Variants in POM121C observed in about 807,000 individuals in gnomAD.
POM121C encodes nuclear envelope pore membrane protein POM 121C.
POM121C carries 20 observed loss-of-function variants against 66.4 expected under a neutral mutation model. That is an observed-to-expected ratio of 0.30 (90% confidence interval 0.21 to 0.44). The LOEUF is 0.44. Among genes scored for constraint, POM121C ranks in the 20% least tolerant of loss-of-function variants. The pLI is 1.00. For synonymous variants in POM121C, 286 were observed against 528.0 expected (o/e 0.54, Z 6.28); for missense variants, 580 against 1,225.7 (o/e 0.47, Z 7.87).
intron 3 of POM121C, among the ~76,000 whole-genome samples, chr7:75,473,840 C>T (rs1442941277): frequency 6.6e-6 from 1 of 151,996 alleles, no homozygotes; most frequent in East Asian, 1.9e-4. Context: ...AGGCGCCCGC[C>T]ACTACGTCCG....
In POM121C at chr7:75,439,194, T is replaced by C. The variant is rs1554473474; in HGVS notation, c.258A>G (p.Ser86=). 2.5e-6 allele frequency: 4 copies of C among 1,614,110 alleles called. No individual in the cohort carries two copies. The highest frequency in any genetic ancestry group is 3.4e-6 in the Non-Finnish European group (4 of 1,180,042). The part of the protein sequence containing the change: ...RRHDSSGSGH[S]AFEPLVASGV... The stretch of plus-strand genomic sequence containing the variant: ...CACTGGCCACCAGGGGCTCAAATGC[T>C]GAATGTCCACTGCCACTGCTATCAT... Residue 86 remains serine, a synonymous_variant, in exon 6 of 15, where the codon TCA becomes TCG. Transcript: ENST00000615331.
intron 1 of POM121C, among the ~76,000 whole-genome samples, chr7:75,475,838 T>C (rs868973260): frequency 6.6e-6 from 1 of 151,764 alleles, no homozygotes; most frequent in South Asian, 2.1e-4. Context: ...GATCAAATTA[T>C]TTTAACTTTA....
chr7:75,479,649 A>C (rs1283820100), intron 1 of POM121C, among the ~76,000 whole-genome samples: 1 of 148,674 alleles, frequency 6.7e-6, no homozygotes, highest in Non-Finnish European at 1.5e-5. Flanking sequence ...ATAAATAAAT[A>C]AATACAGTTT....
intron 7 of POM121C, among the ~76,000 whole-genome samples, chr7:75,434,504 T>C (rs2695403): frequency 6.6e-6 from 1 of 151,694 alleles, no homozygotes; most frequent in African/African-American, 2.4e-5. Flanking sequence ...CTCAAACTCC[T>C]GATCGCAGGT....
rs587767849 is a variant in POM121C, at chr7:75,439,967, G to A, written c.228-743C>T. Among the ~76,000 whole-genome samples the A allele has an allele frequency of 2.7e-5, 4 of 145,722 alleles. No individual in the cohort carries two copies. In the East Asian group the frequency reaches 6.3e-4, roughly 23 times the overall value. On this transcript the variant is annotated intron_variant, in intron 5 of 14. Coordinates refer to ENST00000615331, the MANE Select transcript of POM121C (RefSeq NM_001099415.3). ...ATGGTCTCGGCTCGCTGCAACCTCC[G>A]CCTCCTGGGTTCAAGCAGTTCTCCT...
chr7:75,438,641 C>A (rs1194907085), intron 6 of POM121C, among the ~76,000 whole-genome samples: 3 of 152,192 alleles, frequency 2.0e-5, no homozygotes, highest in Non-Finnish European at 4.4e-5. Flanking sequence ...GGAATACCTG[C>A]CTCATTCTAG....
intron 3 of POM121C, among the ~76,000 whole-genome samples, chr7:75,469,149 G>C (rs1445307358): frequency 6.6e-6 from 1 of 151,636 alleles, no homozygotes; most frequent in African/African-American, 2.4e-5. Flanking sequence ...GCCCAGGCTG[G>C]AGTGCAGTGG....
chr7:75,436,005 C>T (rs116767010), intron 7 of POM121C, among the ~76,000 whole-genome samples: 2,104 of 151,000 alleles, frequency 0.014, 59 homozygotes, highest in African/African-American at 0.047. Context: ...GAGCCAAGGT[C>T]GCACCACTGC....
rs1554473193 is a variant in POM121C at position 75,437,607 on chromosome 7, T to C, written c.388A>G (p.Ser130Gly). Residue 130 changes from serine to glycine, a missense_variant, in exon 7 of 15, where the codon AGC (serine) becomes GGC (glycine). Coordinates refer to ENST00000615331, the MANE Select transcript of POM121C (RefSeq NM_001099415.3). ...LNKRSRSSSM[S>G]SLTGAYTSGI... ...CTTGTGTAAGCGCCTGTCAAGGAGC[T>C]CATGGAAGAGCTTCGGGATCTCTTA... 18 of 1,613,956 alleles carry C rather than the reference T, an allele frequency of 1.1e-5. No individual in the cohort carries two copies. The highest frequency in any genetic ancestry group is 1.4e-5 in the Non-Finnish European group (17 of 1,179,856).
Position 75,475,169 on chromosome 7 carries a change from T to C in POM121C, c.-438A>G. ...CTCCTGGGTGAAATCCACAGCCACA[T>C]CTTTGAATGACACTGGCCCCTGTAA... On this transcript the variant is annotated 5_prime_UTR_variant, in exon 2 of 15. It removes an upstream start codon present in the reference 5' UTR. Coordinates refer to ENST00000615331, the MANE Select transcript of POM121C (RefSeq NM_001099415.3). 2 of 1,530,194 alleles carry C rather than the reference T, an allele frequency of 1.3e-6. No homozygotes were observed. Among genetic ancestry groups the C allele is most frequent in the Non-Finnish European group, 1.8e-6 (2 of 1,109,864 alleles). The allele number at this position is 1,530,194 out of a possible 1,614,324, so 94.8% of individuals were successfully genotyped here.
intron 3 of POM121C, among the ~76,000 whole-genome samples, chr7:75,443,311 T>C (rs1190519701): frequency 1.3e-5 from 2 of 152,072 alleles, no homozygotes; most frequent in African/African-American, 4.8e-5. Context: ...GGGTGGGGAA[T>C]AGAAAATGAC....
At chr7:75,435,430 G>A (rs1790365948) in intron 7 of POM121C, among the ~76,000 whole-genome samples, 1 of 152,180 alleles carries the variant, frequency 6.6e-6, no homozygotes, top group Admixed American at 6.5e-5. Context: ...AGAGTGGAAA[G>A]GGATGGAAAT....
chr7:75,455,961 G>A (rs1373398832), intron 3 of POM121C, among the ~76,000 whole-genome samples: 5 of 152,192 alleles, frequency 3.3e-5, no homozygotes, highest in Non-Finnish European at 7.3e-5. Flanking sequence ...CAGGCCAGGC[G>A]CAGTGGCTCA....
At chr7:75,437,470 C>T (rs367829021) in intron 7 of POM121C, 45 bp downstream of exon 7, 15 of 1,575,794 alleles carry the variant, frequency 9.5e-6, no homozygotes, top group African/African-American at 9.5e-5. Context: ...AATGAATGAA[C>T]GCTGGGAATT....
In POM121C at chr7:75,467,556, T is replaced by A. The variant is rs1313286693; in HGVS notation, c.-152+7148A>T. ...CAAAAAAAAAAAAAAAAAAAAAAAA[T>A]GTAATATAAAGCAGGCGGAATAAAT... is the stretch of plus-strand genomic sequence containing the variant. On this transcript the variant is annotated intron_variant, in intron 3 of 14. Coordinates refer to ENST00000615331, the MANE Select transcript of POM121C (RefSeq NM_001099415.3). 2.3e-3 allele frequency among the ~76,000 whole-genome samples: 219 copies of A among 94,548 alleles called. 1 individual carries two copies. Among genetic ancestry groups the A allele is most frequent in the South Asian group, 0.02 (60 of 3,018 alleles). 62.0% of individuals were successfully genotyped at this position (94,548 alleles called of 152,430 possible).
intron 3 of POM121C, among the ~76,000 whole-genome samples, chr7:75,455,854 T>C (rs1791193652): frequency 1.3e-5 from 2 of 152,198 alleles, no homozygotes; most frequent in Admixed American, 1.3e-4. Context: ...AGACATGGGC[T>C]GTATCTCGCC....
Position 75,474,564 on chromosome 7 carries a change from T to C in POM121C, c.-152+140A>G, listed in dbSNP as rs1469998176. ...AATATAAAATAAACAAAAGAGTTCA[T>C]GTATGTGTGCGGGAAGGAAAGTGAT... On this transcript the variant is annotated intron_variant, in intron 3 of 14. Transcript: ENST00000615331. 63 of 433,662 alleles carry C rather than the reference T, an allele frequency of 1.5e-4. 1 individual carries two copies. The highest frequency in any genetic ancestry group is 1.3e-3 in the South Asian group (54 of 41,058). 26.9% of individuals were successfully genotyped at this position (433,662 alleles called of 1,614,324 possible).
chr7:75,467,573 G>A (rs868957079), intron 3 of POM121C, among the ~76,000 whole-genome samples: 7 of 151,442 alleles, frequency 4.6e-5, no homozygotes, highest in African/African-American at 1.5e-4. Context: ...TAAAGCAGGC[G>A]GAATAAATCC....
chr7:75,419,146 C>G (rs1395388066), intron 14 of POM121C, among the ~76,000 whole-genome samples, 174 bp downstream of exon 14: 1 of 152,214 alleles, frequency 6.6e-6, no homozygotes, highest in Non-Finnish European at 1.5e-5. Context: ...GACAGCTCCT[C>G]TCTGATCTCT....
Sources: allele counts gnomAD v4.1 joint callset (sites outside exome capture counted in the v4.1 genomes callset), GRCh38; gene constraint gnomAD v4.1.1; transcripts MANE v1.5; gene names NCBI Gene and HGNC (gene_info 2026-07-23, HGNC 2026-07-21).